The following PRIM2 variants were observed in gnomAD, a reference collection of about 807,000 sequenced individuals.
The protein encoded by PRIM2 is DNA primase large subunit.
A neutral mutation model predicts 67.3 loss-of-function variants in PRIM2; 39 were observed. That is an observed-to-expected ratio of 0.58 (90% CI 0.45 to 0.76). The LOEUF is 0.76. PRIM2 is among the 30% of genes least tolerant of loss of function. The pLI is 0.00. For synonymous variants in PRIM2, 143 were observed against 198.7 expected (o/e 0.72, Z 2.36); for missense variants, 398 against 598.7 (o/e 0.66, Z 3.50).
the PRIM2 span, among the ~76,000 whole-genome samples, chr6:57,280,361 C>T: frequency 6.6e-6 from 1 of 151,714 alleles, no homozygotes; most frequent in African/African-American, 2.4e-5. Context: ...AACGTTCTTT[C>T]CTGGGCATTT....
At chr6:57,262,831 A>T in the PRIM2 span, among the ~76,000 whole-genome samples, 1 of 152,182 alleles carries the variant, frequency 6.6e-6, no homozygotes, top group Non-Finnish European at 1.5e-5. Context: ...TCTTTCTAGA[A>T]GGAGGTCAGA....
At chr6:57,480,941 C>T (rs1459438879) in intron 7 of PRIM2, among the ~76,000 whole-genome samples, 13 of 152,046 alleles carry the variant, frequency 8.6e-5, no homozygotes, top group African/African-American at 3.1e-4. Context: ...CTTTAATTTT[C>T]TTATTTCAAG....
intron 5 of PRIM2, among the ~76,000 whole-genome samples, chr6:57,331,846 C>T (rs1304393933): frequency 6.6e-6 from 1 of 151,714 alleles, no homozygotes; most frequent in African/African-American, 2.4e-5. Flanking sequence ...GTTCAAAGAA[C>T]CAACTTTTGG....
intron 11 of PRIM2, among the ~76,000 whole-genome samples, chr6:57,603,199 T>A (rs1776501292): frequency 6.6e-6 from 1 of 152,228 alleles, no homozygotes; most frequent in East Asian, 1.9e-4. Flanking sequence ...TCTTAGGTAT[T>A]GTATTTTGTT....
At chr6:57,377,021 C>T (rs1483998931) in intron 5 of PRIM2, among the ~76,000 whole-genome samples, 26 of 151,780 alleles carry the variant, frequency 1.7e-4, no homozygotes, top group Admixed American at 1.6e-3. Flanking sequence ...GGATTACAGG[C>T]GTGCACCACC....
chr6:57,475,230 A>G (rs1262015505), intron 7 of PRIM2, among the ~76,000 whole-genome samples: 1 of 152,222 alleles, frequency 6.6e-6, no homozygotes, highest in African/African-American at 2.4e-5. Context: ...CTCACATATC[A>G]TACAATTACT....
intron 7 of PRIM2, among the ~76,000 whole-genome samples, chr6:57,383,765 C>T (rs1412733652): frequency 2.6e-5 from 4 of 152,110 alleles, no homozygotes; most frequent in Admixed American, 6.6e-5. Flanking sequence ...TTGTTGCTGT[C>T]GTTGAGTTGC....
At chr6:57,393,115 C>A (rs1770410556) in intron 7 of PRIM2, among the ~76,000 whole-genome samples, 1 of 149,156 alleles carries the variant, frequency 6.7e-6, no homozygotes, top group African/African-American at 2.6e-5. Context: ...CTGCTATAAA[C>A]ATGCATGTGC....
At chr6:57,410,047 A>T (rs10949054) in intron 7 of PRIM2, among the ~76,000 whole-genome samples, 1 of 152,066 alleles carries the variant, frequency 6.6e-6, no homozygotes, top group Non-Finnish European at 1.5e-5. Context: ...GGGCCGGGCC[A>T]GTGGCTCACG....
intron 12 of PRIM2, among the ~76,000 whole-genome samples, chr6:57,624,612 C>T (rs1403747949): frequency 6.6e-6 from 1 of 152,058 alleles, no homozygotes; most frequent in Non-Finnish European, 1.5e-5. Flanking sequence ...AGGAGTTTCC[C>T]CTGTGCCTAA....
At chr6:57,442,755 A>G (rs534534824) in intron 7 of PRIM2, among the ~76,000 whole-genome samples, 1 of 152,314 alleles carries the variant, frequency 6.6e-6, no homozygotes, top group African/African-American at 2.4e-5. Flanking sequence ...ACAATGTGGA[A>G]TAATGAAATC....
intron 7 of PRIM2, among the ~76,000 whole-genome samples, chr6:57,437,205 G>C (rs957506383): frequency 2.0e-5 from 3 of 152,170 alleles, no homozygotes; most frequent in Admixed American, 2.0e-4. Context: ...TGTTACAAGA[G>C]CAGCGCCAAG....
chr6:57,466,067 A>C (rs1358051321), intron 7 of PRIM2, among the ~76,000 whole-genome samples: 2 of 150,938 alleles, frequency 1.3e-5, no homozygotes, highest in Non-Finnish European at 2.9e-5. Flanking sequence ...TGAGAACATG[A>C]GGTGTTTGGT....
At chr6:57,293,862 T>A in the PRIM2 span, among the ~76,000 whole-genome samples, 1 of 151,164 alleles carries the variant, frequency 6.6e-6, no homozygotes, top group Non-Finnish European at 1.5e-5. Flanking sequence ...GGGAGGGATA[T>A]GTAAATGACA....
chr6:57,533,051 T>A (rs1263624289), intron 9 of PRIM2, among the ~76,000 whole-genome samples: 175 of 152,202 alleles, frequency 1.1e-3, no homozygotes, highest in African/African-American at 4.1e-3. Context: ...TGGCCTCCTT[T>A]AATCTTAATG....
intron 8 of PRIM2, among the ~76,000 whole-genome samples, chr6:57,524,636 G>A (rs1774706152): frequency 6.6e-6 from 1 of 152,052 alleles, no homozygotes; most frequent in Admixed American, 6.5e-5. Flanking sequence ...GGGAGGCAGA[G>A]GTTGCGGTGA....
rs1197455386 is a variant in PRIM2, at chr6:57,429,916, TGGCTAGTGC to T, written c.693+47749_693+47757del. Among the ~76,000 whole-genome samples the T allele has an allele frequency of 2.0e-5, 3 of 152,354 alleles. No homozygotes were observed. The East Asian group carries it at 5.8e-4, about 29-fold the overall frequency. Reference sequence around the variant, plus strand: ...ACGGCTTCAATTTGCAATTCCCCAATGGCTAGTGCTGTTGAACATCTTTTCATTTGCTTA... The same window carrying T: ...ACGGCTTCAATTTGCAATTCCCCAATTGTTGAACATCTTTTCATTTGCTTA... On this transcript the variant is annotated intron_variant, in intron 7 of 13. Transcript: ENST00000615550.
At chr6:57,510,300 C>G (rs1774338109) in intron 8 of PRIM2, among the ~76,000 whole-genome samples, 1 of 151,972 alleles carries the variant, frequency 6.6e-6, no homozygotes, top group African/African-American at 2.4e-5. Context: ...TTGTTTTTTT[C>G]TGCATAAAGT....
chr6:57,249,811 G>T, the PRIM2 span, among the ~76,000 whole-genome samples: 1 of 152,150 alleles, frequency 6.6e-6, no homozygotes, highest in Admixed American at 6.6e-5. Flanking sequence ...CTACAAATAG[G>T]ATGGAGACTG....
Sources: gnomAD v4.1 joint callset for allele counts (sites outside exome capture counted in the v4.1 genomes callset) on GRCh38, gnomAD v4.1.1 for gene constraint, MANE v1.5 for transcripts, NCBI Gene and HGNC (gene_info 2026-07-23, HGNC 2026-07-21) for gene names.